ANGPTL6: variants seen among roughly 807,000 people sequenced by gnomAD.
ANGPTL6 encodes angiopoietin-related protein 6.
Under a neutral mutation model 47.4 loss-of-function variants are expected in ANGPTL6, and 45 were observed. That is an observed-to-expected ratio of 0.95 (90% confidence interval 0.75 to 1.22). The LOEUF (loss-of-function observed/expected upper bound fraction) is 1.22, where lower values mean the gene tolerates loss of function less well. Among genes scored for constraint, ANGPTL6 ranks in the 50% most tolerant of loss-of-function variants. The probability of loss-of-function intolerance (pLI) is 0.00; values close to 1 mark genes in which losing one functional copy is unlikely to be tolerated. For missense variants in ANGPTL6, 698 were observed against 669.4 expected (o/e 1.04, Z -0.47); for synonymous variants, 290 against 295.9 (o/e 0.98, Z 0.20).
upstream of ANGPTL6, among the ~76,000 whole-genome samples, chr19:10,103,811 A>G (rs1159452577): frequency 6.6e-6 from 1 of 151,422 alleles, no homozygotes; most frequent in African/African-American, 2.4e-5. Context: ...ATAAAAATGT[A>G]AGGCTGGGCG....
intron 1 of ANGPTL6, among the ~76,000 whole-genome samples, chr19:10,099,525 C>T (rs1386837562): frequency 1.4e-5 from 2 of 145,594 alleles, no homozygotes; most frequent in Non-Finnish European, 3.0e-5. Flanking sequence ...TGCAGTGAGC[C>T]GAGACTGTGC....
At chr19:10,102,353 G>T (rs1421338064) in intron 1 of ANGPTL6, among the ~76,000 whole-genome samples, 1 of 151,496 alleles carries the variant, frequency 6.6e-6, no homozygotes, top group Non-Finnish European at 1.5e-5. Flanking sequence ...GGATCCGGGG[G>T]TAGGGTCCTC....
At position 10,096,412 on chromosome 19, in the gene ANGPTL6, C is replaced by G. The variant is rs2088543547; in HGVS notation, c.152G>C (p.Arg51Pro). The G allele has an allele frequency of 2.3e-6, 3 of 1,322,794 alleles. No individual in the cohort carries two copies. Among genetic ancestry groups the G allele is most frequent in the Non-Finnish European group, 2.9e-6 (3 of 1,040,676 alleles). 81.9% of individuals were successfully genotyped at this position (1,322,794 alleles called of 1,614,324 possible). The stretch of plus-strand genomic sequence containing the variant: ...GGCGTTGGCGGCCTCGGGCGTCGCC[C>G]GCGTGGATGCGGGGCCGCTCCAGCA... ...AVCWSGPAST[R>P]ATPEAANASE... is the part of the protein sequence containing the mutation. The change falls in exon 2 of 6, where the codon CGG becomes CCG. Residue 51 changes from arginine to proline, a missense_variant. By Grantham distance (103) the Arg-to-Pro change is moderately radical (BLOSUM62 -2). Transcript: ENST00000253109.
At chr19:10,095,928 GCAAAACCC>G (rs1459621261) in intron 2 of ANGPTL6, 46 bp downstream of exon 2, 36 of 1,081,390 alleles carry the variant, frequency 3.3e-5, no homozygotes, top group Non-Finnish European at 2.4e-6. Flanking sequence ...TCGTGGGGTT[GCAAAACCC>G]CCATTTCACA....
chr19:10,094,214 T>C lies in ANGPTL6; in HGVS notation c.764-334A>G, dbSNP rs539406449. On this transcript the variant is annotated intron_variant, in intron 3 of 5. Transcript: ENST00000253109. ...CAGGCTGGAGTGCAGTGGTGCGATC[T>C]CGGCTCACTGCAACCTCATCCTCCC... Among the ~76,000 whole-genome samples, 40 of 152,098 alleles carry C rather than the reference T, an allele frequency of 2.6e-4. No individual in the cohort carries two copies. In the East Asian group the frequency reaches 4.8e-3, roughly 18 times the overall value.
rs1055750184 is a variant in ANGPTL6, at chr19:10,093,363, C to T, written c.1208G>A (p.Arg403Gln). ...GTTCTCCTTACCAGAATAGGAGTCT[C>T]GGTCCCTATCCACGGTGCTGAAGGG... Reference protein sequence around the residue: ...DKPFSTVDRDRDSYSGNCALY... With the variant: ...DKPFSTVDRDQDSYSGNCALY... Residue 403 changes from arginine to glutamine, a missense_variant, in exon 5 of 6, where the codon CGA (arginine) becomes CAA (glutamine). Coordinates refer to ENST00000253109, the MANE Select transcript of ANGPTL6 (RefSeq NM_031917.3). 66 of 1,613,380 alleles carry T rather than the reference C, an allele frequency of 4.1e-5. No homozygotes were observed. Among genetic ancestry groups the T allele is most frequent in the Non-Finnish European group, 4.7e-5 (55 of 1,179,530 alleles).
Position 10,092,632 on chromosome 19 carries a change from G to C in ANGPTL6, c.1370C>G (p.Ser457Cys), listed in dbSNP as rs1471335893. The C allele has an allele frequency of 6.2e-7, 1 of 1,613,546 alleles. No individual in the cohort carries two copies. The highest frequency in any genetic ancestry group is 1.1e-5 in the South Asian group (1 of 91,052). The change falls in exon 6 of 6, where the codon TCT becomes TGT. Residue 457 changes from serine (S) to cysteine (C), a missense_variant. Physicochemically the swap from Ser to Cys is moderately radical, Grantham distance 112 (BLOSUM62 -1). Coordinates refer to ENST00000253109, the MANE Select transcript of ANGPTL6 (RefSeq NM_031917.3). Reference sequence around the variant, plus strand: ...AATGAGCATGGCGGCCTTCCTGAGAGAATATGCCCCACCACGAAACTCAGC... The same window carrying C: ...AATGAGCATGGCGGCCTTCCTGAGACAATATGCCCCACCACGAAACTCAGC... ...YWAEFRGGAY[S>C]LRKAAMLIRP...
At chr19:10,104,338 G>A (rs1360921961), upstream of ANGPTL6, among the ~76,000 whole-genome samples, 1 of 151,656 alleles carries the variant, frequency 6.6e-6, no homozygotes, top group East Asian at 1.9e-4. Flanking sequence ...GTGTGTGTGT[G>A]TGTGTGTGTA....
At chr19:10,094,722 T>C in intron 3 of ANGPTL6, 36 bp downstream of exon 3, 1 of 1,613,862 alleles carries the variant, frequency 6.2e-7, no homozygotes, top group Non-Finnish European at 8.5e-7. Flanking sequence ...TCAATTTTCC[T>C]CTACCCACAA....
At chr19:10,103,822 C>T (rs7507558), upstream of ANGPTL6, among the ~76,000 whole-genome samples, 5,208 of 150,956 alleles carry the variant, frequency 0.035, 175 homozygotes, top group Admixed American at 0.059. Flanking sequence ...AGGCTGGGCG[C>T]GGTGGCTCAC....
chr19:10,095,447 C>T (rs987654512), intron 2 of ANGPTL6, among the ~76,000 whole-genome samples: 2 of 152,122 alleles, frequency 1.3e-5, no homozygotes, highest in Non-Finnish European at 2.9e-5. Flanking sequence ...GCAGACAGAG[C>T]TGGGCTTAAA....
In ANGPTL6 at chr19:10,092,568, A is replaced by AG; in HGVS notation, c.*20dup. The AG allele has an allele frequency of 6.3e-7, 1 of 1,587,504 alleles. No individual in the cohort carries two copies. Among genetic ancestry groups the AG allele is most frequent in the Non-Finnish European group, 8.6e-7 (1 of 1,162,882 alleles). On this transcript the variant is annotated 3_prime_UTR_variant, in exon 6 of 6. Coordinates refer to ENST00000253109, the MANE Select transcript of ANGPTL6 (RefSeq NM_031917.3). ...TGCTGACCAATGTCCTCTAGGGCCT[A>AG]GGGGACAGAGGAACACAGAGTCACA...
chr19:10,101,564 T>A (rs1370277994), intron 1 of ANGPTL6, among the ~76,000 whole-genome samples: 1 of 148,736 alleles, frequency 6.7e-6, no homozygotes, highest in African/African-American at 2.5e-5. Flanking sequence ...TCCCAGCACT[T>A]TGGGAGGCCG....
chr19:10,096,531 C>A lies in ANGPTL6; in HGVS notation c.33G>T (p.Leu11=). The change falls in exon 2 of 6, where the codon CTG becomes CTT. Residue 11 remains leucine, a synonymous_variant. Transcript: ENST00000253109. MGKPWLRALQ[L]LLLLGASWAR... ...CCCACGACGCGCCCAGCAGGAGCAGCAGCTGTAGCGCACGCAGCCAGGGCT... is the reference window on the plus strand; with the variant it reads ...CCCACGACGCGCCCAGCAGGAGCAGAAGCTGTAGCGCACGCAGCCAGGGCT... The A allele has an allele frequency of 6.6e-7, 1 of 1,515,740 alleles. No individual in the cohort carries two copies. The highest frequency in any genetic ancestry group is 1.2e-5 in the South Asian group (1 of 83,150). 93.9% of individuals were successfully genotyped at this position (1,515,740 alleles called of 1,614,324 possible). A position where few individuals can be genotyped will look rare whatever the true frequency, so the allele number is the denominator to read the frequency against.
intron 1 of ANGPTL6, among the ~76,000 whole-genome samples, chr19:10,097,532 G>C (rs1266083098): frequency 6.6e-5 from 10 of 152,130 alleles, no homozygotes; most frequent in African/African-American, 1.7e-4. Context: ...TGAATAAATA[G>C]AGCATATTAG....
intron 1 of ANGPTL6, among the ~76,000 whole-genome samples, chr19:10,098,917 T>C (rs576936724): frequency 2.0e-5 from 3 of 151,902 alleles, no homozygotes; most frequent in Non-Finnish European, 4.4e-5. Context: ...CGTCGGATAT[T>C]GGAAACCCCA....
intron 3 of ANGPTL6, chr19:10,094,497 AAGTCCTGAATATG>A (rs1158671848): frequency 3.9e-6 from 2 of 509,234 alleles, no homozygotes; most frequent in African/African-American, 3.9e-5. Flanking sequence ...ACCATAATAT[AAGTCCTGAATATG>A]ATACTCTGAA....
intron 3 of ANGPTL6, chr19:10,094,477 T>G: frequency 2.3e-6 from 1 of 432,570 alleles, no homozygotes; most frequent in Non-Finnish European, 4.1e-6. Flanking sequence ...TGGTTTTTTA[T>G]GGTCTCCTCA....
At chr19:10,098,523 T>A (rs2088599637) in intron 1 of ANGPTL6, among the ~76,000 whole-genome samples, 1 of 151,480 alleles carries the variant, frequency 6.6e-6, no homozygotes, top group South Asian at 2.1e-4. Context: ...CTGGGAGAGG[T>A]TAAAGCAAAA....
Sources: gnomAD v4.1 joint callset for allele counts (sites outside exome capture counted in the v4.1 genomes callset) on GRCh38, gnomAD v4.1.1 for gene constraint, MANE v1.5 for transcripts, NCBI Gene and HGNC (gene_info 2026-07-23, HGNC 2026-07-21) for gene names.